Variants in VSIG10L observed in about 807,000 individuals in gnomAD.
VSIG10L encodes the protein V-set and immunoglobulin domain-containing protein 10-like.
VSIG10L carries 63 observed loss-of-function variants against 67.3 expected under a neutral mutation model. The observed-to-expected ratio is 0.94, with a 90% CI of 0.76 to 1.15. The LOEUF is 1.15. VSIG10L is among the 50% of genes most tolerant of loss of function. VSIG10L has a pLI of 0.00. For missense variants in VSIG10L, 1,050 were observed against 1,177.5 expected, an observed-to-expected ratio of 0.89 and a Z score of 1.58; for synonymous variants, 499 against 524.9, an observed-to-expected ratio of 0.95 and a Z score of 0.67.
Position 51,340,305 on chromosome 19 carries a change from G to A in VSIG10L, c.1190-6C>T. Reference sequence around the variant, plus strand: ...GGTCGGCGGGTCCGGGCCGTCTGGAGGGAGGAGGGGTCGGGACCGCGAGTG... The same window carrying A: ...GGTCGGCGGGTCCGGGCCGTCTGGAAGGAGGAGGGGTCGGGACCGCGAGTG... On this transcript the variant is annotated splice_region_variant and splice_polypyrimidine_tract_variant and intron_variant, in intron 3 of 9. Transcript: ENST00000335624. This position sits in a 1 kb window ranked among gnomAD's most constrained non-coding sequence, Gnocchi z 6.3. 6.6e-7 allele frequency: 1 copy of A among 1,511,450 alleles called. No homozygotes were observed. The highest frequency in any genetic ancestry group is 1.2e-5 in the South Asian group (1 of 81,980). The allele number at this position is 1,511,450 out of a possible 1,614,324, so 93.6% of individuals were successfully genotyped here. A position where few individuals can be genotyped will look rare whatever the true frequency, so the allele number is the denominator to read the frequency against.
chr19:51,340,380 C>A lies in VSIG10L; in HGVS notation c.1189+53G>T. On this transcript the variant is annotated intron_variant, in intron 3 of 9. Coordinates refer to ENST00000335624, the MANE Select transcript of VSIG10L (RefSeq NM_001163922.3). The surrounding 1 kb of genome is among the most constrained non-coding windows in gnomAD (Gnocchi z 6.3). Reference sequence around the variant, plus strand: ...GGACTCCCGGAGACTGGGTCCCCAGCCCGCTTCTCCCCAAGGACCCCCTGT... The same window carrying A: ...GGACTCCCGGAGACTGGGTCCCCAGACCGCTTCTCCCCAAGGACCCCCTGT... 1 of 1,459,444 alleles carries A rather than the reference C, an allele frequency of 6.9e-7. No individual in the cohort carries two copies. The allele number at this position is 1,459,444 out of a possible 1,614,324, so 90.4% of individuals were successfully genotyped here. A position where few individuals can be genotyped will look rare whatever the true frequency, so the allele number is the denominator to read the frequency against.
Position 51,341,765 on chromosome 19 carries a change from A to C in VSIG10L, c.283T>G (p.Ser95Ala). 6.4e-7 allele frequency: 1 copy of C among 1,551,618 alleles called. No individual in the cohort carries two copies. The highest frequency in any genetic ancestry group is 8.7e-7 in the Non-Finnish European group (1 of 1,146,976). ...TCTTGGCCCTCAGCAGAAACATTTG[A>C]CCAGAAGGACCCAGACATGTTGGAA... ...LSSNMSGSFWSNVSAEGQDLS... is the reference protein window; with the variant it reads ...LSSNMSGSFWANVSAEGQDLS... Residue 95 changes from serine to alanine, a missense_variant, in exon 2 of 10, where the codon TCA becomes GCA. By Grantham distance (99) the Ser-to-Ala change is moderately conservative. Around this residue, in one of 3 missense-constraint regions of VSIG10L, gnomAD observed 511 missense variants for 557.9 expected, o/e 0.92. Coordinates refer to ENST00000335624, the MANE Select transcript of VSIG10L (RefSeq NM_001163922.3).
At chr19:51,337,107 GA>G (rs1985501734) in intron 7 of VSIG10L, 130 bp downstream of exon 7, 1 of 1,202,132 alleles carries the variant, frequency 8.3e-7, no homozygotes, top group Admixed American at 2.9e-5. Flanking sequence ...ACCTGTGAGA[GA>G]AGAAATTCCT....
rs192962117 is a variant in VSIG10L, at chr19:51,339,103, C to A, written c.1514G>T (p.Gly505Val). 7.4e-4 allele frequency: 990 copies of A among 1,345,158 alleles called. No individual in the cohort carries two copies. The highest frequency in any genetic ancestry group is 9.0e-4 in the Non-Finnish European group (942 of 1,041,580). The allele number at this position is 1,345,158 out of a possible 1,614,324, so 83.3% of individuals were successfully genotyped here. A position where few individuals can be genotyped will look rare whatever the true frequency, so the allele number is the denominator to read the frequency against. ...PGAPQCSVEG[G>V]PGDRSLRFRC... is the part of the protein sequence containing the mutation. The stretch of plus-strand genomic sequence containing the variant: ...GAAGCGGAGGCTGCGGTCCCCGGGA[C>A]CCCCTTCAACTGAGCACTGTGGGGC... The change falls in exon 5 of 10, where the codon GGT (glycine) becomes GTT (valine). Residue 505 changes from glycine to valine, a missense_variant. Physicochemically the swap from Gly to Val is moderately radical, Grantham distance 109. Transcript: ENST00000335624.
intron 7 of VSIG10L, 118 bp downstream of exon 7, chr19:51,337,120 T>G (rs1242280835): frequency 6.4e-6 from 8 of 1,255,716 alleles, no homozygotes; most frequent in Non-Finnish European, 3.2e-6. Flanking sequence ...GAAATTCCTG[T>G]AGTCTCAAGC....
chr19:51,334,079 G>A (rs1350478019), intron 8 of VSIG10L, 112 bp downstream of exon 8: 3 of 1,451,418 alleles, frequency 2.1e-6, no homozygotes, highest in Admixed American at 2.0e-5. Context: ...TAGGAGGGCA[G>A]GATGGATGAC....
chr19:51,337,055 C>G (rs546573131), intron 7 of VSIG10L, among the ~76,000 whole-genome samples, 183 bp downstream of exon 7: 1 of 152,116 alleles, frequency 6.6e-6, no homozygotes, highest in Non-Finnish European at 1.5e-5. Flanking sequence ...CGTGAGCCAC[C>G]GCGCCCAGCC....
chr19:51,338,282 C>CT, intron 5 of VSIG10L, 74 bp from the exon 6 acceptor site: 2 of 1,418,140 alleles, frequency 1.4e-6, no homozygotes, highest in Non-Finnish European at 1.8e-6. Flanking sequence ...CTATGCCCTA[C>CT]TTTAAATCAG....
intron 5 of VSIG10L, 96 bp from the exon 6 acceptor site, chr19:51,338,304 C>T: frequency 7.3e-7 from 1 of 1,361,836 alleles, no homozygotes; most frequent in Non-Finnish European, 9.6e-7. Flanking sequence ...TGGTGGTAAG[C>T]CCCCACGCTT....
At chr19:51,334,846 C>CAAG (rs34501324) in intron 7 of VSIG10L, among the ~76,000 whole-genome samples, 111,493 of 151,918 alleles carry the variant, frequency 0.73, 42,140 homozygotes, top group African/African-American at 0.92. Context: ...GAGACTGAGG[C>CAAG]AAGATCACCT....
rs560158187 is a variant in VSIG10L, at chr19:51,337,424, C to T, written c.2119G>A (p.Asp707Asn). The T allele has an allele frequency of 1.3e-6, 2 of 1,551,766 alleles. No homozygotes were observed. Among genetic ancestry groups the T allele is most frequent in the East Asian group, 4.9e-5 (2 of 40,920 alleles). Residue 707 changes from aspartate to asparagine, a missense_variant, in exon 7 of 10, where the codon GAT becomes AAT. By Grantham distance (23) the Asp-to-Asn change is conservative (BLOSUM62 1). Transcript: ENST00000335624. Reference protein sequence around the residue: ...ISSFEIQAWPDGPALGRTSTY... With the variant: ...ISSFEIQAWPNGPALGRTSTY... ...GAAGTCCTGCCCAGAGCAGGCCCATCTGGCCATGCCTGGATCTCAAAACTG... is the reference window on the plus strand; with the variant it reads ...GAAGTCCTGCCCAGAGCAGGCCCATTTGGCCATGCCTGGATCTCAAAACTG...
At chr19:51,339,435 C>T (rs1229380414) in intron 4 of VSIG10L, among the ~76,000 whole-genome samples, 1 of 152,174 alleles carries the variant, frequency 6.6e-6, no homozygotes, top group Non-Finnish European at 1.5e-5. Flanking sequence ...CCACTTCTGC[C>T]AGGTTACTTC....
rs1166282477 is a variant in VSIG10L at position 51,340,345 on chromosome 19, G to A, written c.1190-46C>T. 2.0e-6 allele frequency: 3 copies of A among 1,474,600 alleles called. No individual in the cohort carries two copies. Among genetic ancestry groups the A allele is most frequent in the African/African-American group, 1.4e-5 (1 of 69,890 alleles). 91.3% of individuals were successfully genotyped at this position (1,474,600 alleles called of 1,614,324 possible). ...GACCGCGAGTGTCAGGGTCACCTGG[G>A]ACGCCGCTAGGACTCCCGGAGACTG... On this transcript the variant is annotated intron_variant, in intron 3 of 9. Transcript: ENST00000335624. This position sits in a 1 kb window ranked among gnomAD's most constrained non-coding sequence, Gnocchi z 6.3.
rs755975048 is a variant in VSIG10L, at chr19:51,341,861, G to C, written c.187C>G (p.Pro63Ala). The C allele has an allele frequency of 1.2e-5, 19 of 1,551,664 alleles. No homozygotes were observed. The East Asian group carries it at 4.4e-4, about 36-fold the overall frequency. ...PSIKPPSWKV[P>A]DQFLDSKASA... ...GCTTTTGAATCCAGGAACTGATCTG[G>C]AACTTTCCAGCTGGGAGGTTTGATG... is the stretch of plus-strand genomic sequence containing the variant. Residue 63 changes from proline to alanine, a missense_variant, in exon 2 of 10, where the codon CCA becomes GCA. This residue lies in a region of VSIG10L where 511 missense variants were observed against 557.9 expected (regional missense o/e 0.92). Transcript: ENST00000335624.
chr19:51,335,687 T>C (rs1985462506), intron 7 of VSIG10L, among the ~76,000 whole-genome samples: 1 of 152,146 alleles, frequency 6.6e-6, no homozygotes, highest in Non-Finnish European at 1.5e-5. Flanking sequence ...GGCAGGCAGA[T>C]CACTTGAGGT....
chr19:51,334,414 T>C lies in VSIG10L; in HGVS notation c.2306-110A>G, dbSNP rs1273248102. The C allele has an allele frequency of 1.7e-5, 14 of 819,116 alleles. No homozygotes were observed. The East Asian group carries it at 3.8e-4, about 22-fold the overall frequency. 50.7% of individuals were successfully genotyped at this position (819,116 alleles called of 1,614,324 possible). A position where few individuals can be genotyped will look rare whatever the true frequency, so the allele number is the denominator to read the frequency against. On this transcript the variant is annotated intron_variant, in intron 7 of 9. Transcript: ENST00000335624. The stretch of plus-strand genomic sequence containing the variant: ...GGACCCAGGAGTCCGGCCCCCACTG[T>C]CCCTCCCCTCCCAGAACCCAGGAAT...
At position 51,334,268 on chromosome 19, in the gene VSIG10L, A is replaced by T; in HGVS notation, c.2342T>A (p.Val781Asp). Residue 781 changes from valine (V) to aspartate (D), a missense_variant, in exon 8 of 10, where the codon GTC (valine) becomes GAC (aspartate). This residue lies in a region of VSIG10L where 529 missense variants were observed against 584.9 expected (regional missense o/e 0.90). Transcript: ENST00000335624. Reference protein sequence around the residue: ...TLSHGAIAGIVLGSLLGLALL... With the variant: ...TLSHGAIAGIDLGSLLGLALL... ...CGCCAGGCCCAGCAGGGAGCCCAGG[A>T]CGATGCCAGCGATGGCCCCATGGCT... 1 of 1,551,772 alleles carries T rather than the reference A, an allele frequency of 6.4e-7. No individual in the cohort carries two copies. Among genetic ancestry groups the T allele is most frequent in the Non-Finnish European group, 8.7e-7 (1 of 1,147,020 alleles).
Position 51,337,226 on chromosome 19 carries a change from GCCCCAA to G in VSIG10L, c.2305+6_2305+11del. On this transcript the variant is annotated splice_donor_region_variant and intron_variant, in intron 7 of 9. Transcript: ENST00000335624. The stretch of plus-strand genomic sequence containing the variant: ...ACAACAGAGAAGGTCTACTCTGACA[GCCCCAA>G]CTCACCGGCCCGGTAGACCCGGCTT... The G allele has an allele frequency of 6.5e-7, 1 of 1,539,908 alleles. No individual in the cohort carries two copies. The highest frequency in any genetic ancestry group is 8.8e-7 in the Non-Finnish European group (1 of 1,140,280).
chr19:51,336,670 C>T (rs553165745), intron 7 of VSIG10L, among the ~76,000 whole-genome samples: 14 of 151,846 alleles, frequency 9.2e-5, no homozygotes, highest in Non-Finnish European at 1.5e-4. Context: ...CCAGGAACGC[C>T]AAGGATGAAA....
Sources: allele counts gnomAD v4.1 joint callset (sites outside exome capture counted in the v4.1 genomes callset), GRCh38; gene constraint gnomAD v4.1.1; regional missense constraint gnomAD v4.1.1; non-coding constraint Gnocchi (gnomAD v3.1); transcripts MANE v1.5; gene names NCBI Gene and HGNC (gene_info 2026-07-23, HGNC 2026-07-21).